Variants in ACAP3 observed in about 807,000 individuals in gnomAD.
The protein encoded by ACAP3 is arf-GAP with coiled-coil, ANK repeat and PH domain-containing protein 3.
Under a neutral mutation model 104.1 loss-of-function variants are expected in ACAP3, and 56 were observed. The observed-to-expected ratio is 0.54, with a 90% CI of 0.43 to 0.67. ACAP3 has a LOEUF of 0.67. Ranked by LOEUF, ACAP3 falls within the 30% of genes least tolerant of loss-of-function variation. The pLI, the probability that ACAP3 is intolerant of heterozygous loss-of-function variation, is 0.00. For missense variants in ACAP3, 1,208 were observed against 1,174.9 expected (o/e 1.03, Z -0.41); for synonymous variants, 628 against 496.2 (o/e 1.27, Z -3.53).
intron 11 of ACAP3, 36 bp from the exon 12 acceptor site, chr1:1,298,457 G>GC (rs1426698372): frequency 6.3e-7 from 1 of 1,594,030 alleles, no homozygotes; most frequent in Non-Finnish European, 8.5e-7. Context: ...GTCAGGCGGG[G>GC]CCCATCCCAG....
At position 1,293,514 on chromosome 1, in the gene ACAP3, ATGCGGGGCG is replaced by A; in HGVS notation, c.*41_*49del. ...GGGTGGGCGCCAGGGACTTCGGGGC[ATGCGGGGCG>A]TCGGGCCGGGCGGGGTGGCAGCTGC... On this transcript the variant is annotated 3_prime_UTR_variant, in exon 24 of 24. Coordinates refer to ENST00000354700, the MANE Select transcript of ACAP3 (RefSeq NM_030649.3). 1 of 1,385,770 alleles carries A rather than the reference ATGCGGGGCG, an allele frequency of 7.2e-7. No homozygotes were observed. Among genetic ancestry groups the A allele is most frequent in the Non-Finnish European group, 9.3e-7 (1 of 1,078,932 alleles). 85.8% of individuals were successfully genotyped at this position (1,385,770 alleles called of 1,614,324 possible).
chr1:1,295,107 G>A (rs369722813), intron 19 of ACAP3: 8 of 553,400 alleles, frequency 1.4e-5, no homozygotes, highest in African/African-American at 1.3e-4. Context: ...CCCCAGCCCC[G>A]TCTGTGGCTG....
chr1:1,303,636 G>A lies in ACAP3; in HGVS notation c.106-355C>T, dbSNP rs1294187498. Reference sequence around the variant, plus strand: ...CCCTCCTCTTTCTCAGCCCATGTGGGGCTCATGGACACGGCTCCCCTCTCC... The same window carrying A: ...CCCTCCTCTTTCTCAGCCCATGTGGAGCTCATGGACACGGCTCCCCTCTCC... On this transcript the variant is annotated intron_variant, in intron 2 of 23. Transcript: ENST00000354700. This position sits in a 1 kb window ranked among gnomAD's most constrained non-coding sequence, Gnocchi z 4.0. 7.1e-6 allele frequency: 3 copies of A among 425,308 alleles called. No homozygotes were observed. Among genetic ancestry groups the A allele is most frequent in the Non-Finnish European group, 1.3e-5 (3 of 233,102 alleles). 26.3% of individuals were successfully genotyped at this position (425,308 alleles called of 1,614,324 possible). A position where few individuals can be genotyped will look rare whatever the true frequency, so the allele number is the denominator to read the frequency against.
At position 1,294,068 on chromosome 1, in the gene ACAP3, G is replaced by C. The variant is rs770694485; in HGVS notation, c.2249+22C>G. ...GTAGGCGTGGTCGGGGCACAGGGCG[G>C]GGCGTGGGTTGCGCGTCTCACCCGG... On this transcript the variant is annotated intron_variant, in intron 22 of 23. Transcript: ENST00000354700. 231 of 1,546,610 alleles carry C rather than the reference G, an allele frequency of 1.5e-4. No individual in the cohort carries two copies. In the Middle Eastern group the frequency reaches 2.4e-3, roughly 16 times the overall value.
chr1:1,298,983 C>T lies in ACAP3; in HGVS notation c.751-304G>A, dbSNP rs1220121633. 1.1e-5 allele frequency: 6 copies of T among 554,542 alleles called. No individual in the cohort carries two copies. In the East Asian group the frequency reaches 1.6e-4, roughly 15 times the overall value. 34.4% of individuals were successfully genotyped at this position (554,542 alleles called of 1,614,324 possible). ...ATCAGGAAGGAAGCTGCGCCCCCAC[C>T]CTCCGCATCCTGAGTGCCCCATTCA... is the stretch of plus-strand genomic sequence containing the variant. On this transcript the variant is annotated intron_variant, in intron 10 of 23. Transcript: ENST00000354700.
intron 9 of ACAP3, 178 bp from the exon 10 acceptor site, chr1:1,299,534 G>A (rs533609958): frequency 5.7e-5 from 48 of 837,936 alleles, no homozygotes; most frequent in South Asian, 2.5e-4. Context: ...ACCTCTGCCC[G>A]GGATGGTGGC....
intron 1 of ACAP3, chr1:1,307,248 C>A (rs553316251): frequency 3.1e-6 from 4 of 1,288,004 alleles, no homozygotes; most frequent in East Asian, 1.1e-4. Context: ...CCCCTACCCC[C>A]TACCTGACCT....
chr1:1,295,014 G>GGGGTAGCCCCCTAAA (rs1235782798), intron 19 of ACAP3, 198 bp from the exon 20 acceptor site: 241 of 595,388 alleles, frequency 4.0e-4, no homozygotes, highest in Non-Finnish European at 6.6e-4. Context: ...AAAGGTGCCA[G>GGGGTAGCCCCCTAAA]GGGTAGCCCC....
rs1271525721 is a variant in ACAP3, at chr1:1,300,006, C to G, written c.630G>C (p.Gln210His). ...CCAGCTTCTTCATGTAGGGGTCCAG[C>G]TGGTGCAGGAGGCTGTAGCCCTGCT... ...FFQQGYSLLH[Q>H]LDPYMKKLAA... is the part of the protein sequence containing the mutation. The change falls in exon 8 of 24, where the codon CAG becomes CAC. Residue 210 changes from glutamine to histidine, a missense_variant. By Grantham distance (24) the Gln-to-His change is conservative. Transcript: ENST00000354700. The G allele has an allele frequency of 1.2e-6, 2 of 1,612,320 alleles. No individual in the cohort carries two copies. The highest frequency in any genetic ancestry group is 4.5e-5 in the East Asian group (2 of 44,844).
chr1:1,304,182 C>T lies in ACAP3; in HGVS notation c.48-39G>A, dbSNP rs949733093. On this transcript the variant is annotated intron_variant, in intron 1 of 23. Transcript: ENST00000354700. Reference sequence around the variant, plus strand: ...GGGGCTGGCTGGGGTCACCTGCAGCCTCAGCCCCCTCGGGGCTTCACCTCC... The same window carrying T: ...GGGGCTGGCTGGGGTCACCTGCAGCTTCAGCCCCCTCGGGGCTTCACCTCC... 4.5e-6 allele frequency: 7 copies of T among 1,549,656 alleles called. No individual in the cohort carries two copies. In the African/African-American group the frequency reaches 6.8e-5, roughly 15 times the overall value.
intron 9 of ACAP3, 42 bp from the exon 10 acceptor site, chr1:1,299,398 T>G: frequency 6.6e-7 from 1 of 1,506,308 alleles, no homozygotes; most frequent in Non-Finnish European, 8.9e-7. Context: ...AGAAAGCCAG[T>G]GAGTGACGGC....
At chr1:1,299,616 C>A (rs1010457369) in intron 9 of ACAP3, 2 of 714,280 alleles carry the variant, frequency 2.8e-6, no homozygotes, top group Non-Finnish European at 4.6e-6. Flanking sequence ...AGGTGACCAC[C>A]GCCTCAAAAG....
At chr1:1,301,741 G>C in intron 5 of ACAP3, 1 of 359,922 alleles carries the variant, frequency 2.8e-6, no homozygotes, top group South Asian at 9.2e-5. Context: ...CCAGACTCCA[G>C]ACCCCCAAAC....
chr1:1,293,404 TCTC>T lies in ACAP3; in HGVS notation c.*157_*159del, dbSNP rs1476624317. The T allele has an allele frequency of 4.4e-6, 3 of 682,364 alleles. No homozygotes were observed. The highest frequency in any genetic ancestry group is 1.9e-5 in the African/African-American group (1 of 51,282). 42.3% of individuals were successfully genotyped at this position (682,364 alleles called of 1,614,324 possible). A position where few individuals can be genotyped will look rare whatever the true frequency, so the allele number is the denominator to read the frequency against. ...AAGAGACTCAGTGTGGGGCCCTCGC[TCTC>T]CTCCTGGGCGAGCAGGGCCGCGGCG... On this transcript the variant is annotated 3_prime_UTR_variant, in exon 24 of 24. Transcript: ENST00000354700.
intron 1 of ACAP3, chr1:1,307,021 C>T: frequency 3.9e-6 from 2 of 513,770 alleles, no homozygotes; most frequent in South Asian, 1.5e-5. Flanking sequence ...TTCACAAGAG[C>T]GCACCCCGCA....
At chr1:1,302,504 C>G (rs538854791) in intron 4 of ACAP3, among the ~76,000 whole-genome samples, 1 of 152,284 alleles carries the variant, frequency 6.6e-6, no homozygotes, top group South Asian at 2.1e-4. Context: ...AGCCATCCTG[C>G]CTTGTCTACT....
At position 1,294,180 on chromosome 1, in the gene ACAP3, TCA is replaced by T; in HGVS notation, c.2157_2158del (p.Cys719Ter). 6.3e-7 allele frequency: 1 copy of T among 1,592,424 alleles called. No individual in the cohort carries two copies. The highest frequency in any genetic ancestry group is 8.5e-7 in the Non-Finnish European group (1 of 1,169,808). On this transcript the variant is annotated stop_gained and frameshift_variant, in exon 22 of 24. Coordinates refer to ENST00000354700, the MANE Select transcript of ACAP3 (RefSeq NM_030649.3). LOFTEE classifies it high-confidence loss of function. The stretch of plus-strand genomic sequence containing the variant: ...GTCCGCTCCGTTTTGCAGCAGGAAC[TCA>T]CAGACGATCAAGGAGCCCTGGGGAG...
chr1:1,294,446 C>A lies in ACAP3; in HGVS notation c.2095G>T (p.Ala699Ser). 1 of 1,575,040 alleles carries A rather than the reference C, an allele frequency of 6.3e-7. No homozygotes were observed. The highest frequency in any genetic ancestry group is 8.6e-7 in the Non-Finnish European group (1 of 1,166,636). Residue 699 changes from alanine to serine, a missense_variant, in exon 21 of 24, where the codon GCG (alanine) becomes TCG (serine). Physicochemically the swap from Ala to Ser is moderately conservative, Grantham distance 99 (BLOSUM62 1). Coordinates refer to ENST00000354700, the MANE Select transcript of ACAP3 (RefSeq NM_030649.3). ...AGCGGCGTCTTGCCCTCATCCTCCG[C>A]GTCCGCCCAGTTGACCTCGGCCCCG... The part of the protein sequence containing the change: ...AHGAEVNWAD[A>S]EDEGKTPLVQ...
chr1:1,296,293 G>A lies in ACAP3; in HGVS notation c.1338-13C>T, dbSNP rs1171848133. The A allele has an allele frequency of 4.5e-6, 7 of 1,554,230 alleles. No individual in the cohort carries two copies. Among genetic ancestry groups the A allele is most frequent in the Middle Eastern group, 1.7e-4 (1 of 5,994 alleles). ...GACACCCAGGCTCCTGGAGAGCAGAGGTAGGGATGAGTCTGGGGGAGGCAA... is the reference window on the plus strand; with the variant it reads ...GACACCCAGGCTCCTGGAGAGCAGAAGTAGGGATGAGTCTGGGGGAGGCAA... On this transcript the variant is annotated splice_polypyrimidine_tract_variant and intron_variant, in intron 15 of 23. Transcript: ENST00000354700.
Sources: gnomAD v4.1 joint callset for allele counts (sites outside exome capture counted in the v4.1 genomes callset) on GRCh38, gnomAD v4.1.1 for gene constraint, Gnocchi (gnomAD v3.1) non-coding constraint, MANE v1.5 for transcripts, NCBI Gene and HGNC (gene_info 2026-07-23, HGNC 2026-07-21) for gene names.